F2RL1: variants seen among roughly 807,000 people sequenced by gnomAD.
F2RL1 encodes the protein F2R like trypsin receptor 1.
A neutral mutation model predicts 21.7 loss-of-function variants in F2RL1; 16 were observed. The observed-to-expected ratio is 0.74, with a 90% CI of 0.50 to 1.12. The LOEUF (loss-of-function observed/expected upper bound fraction) is 1.12, where lower values mean the gene tolerates loss of function less well. Ranked by LOEUF, F2RL1 falls within the 50% of genes most tolerant of loss-of-function variation. The pLI, the probability that F2RL1 is intolerant of heterozygous loss-of-function variation, is 0.00. For missense variants in F2RL1, 432 were observed against 477.8 expected (o/e 0.90, Z 0.89); for synonymous variants, 181 against 186.7 (o/e 0.97, Z 0.25).
At chr5:76,827,578 G>A (rs1325773501) in intron 1 of F2RL1, among the ~76,000 whole-genome samples, 1 of 150,292 alleles carries the variant, frequency 6.7e-6, no homozygotes, top group African/African-American at 2.4e-5. Context: ...CCTGGGAGTG[G>A]AGCTACTGGG....
At chr5:76,831,302 A>C (rs1443621764) in intron 1 of F2RL1, among the ~76,000 whole-genome samples, 1 of 151,998 alleles carries the variant, frequency 6.6e-6, no homozygotes, top group Middle Eastern at 3.2e-3. Flanking sequence ...GCCATTGTTG[A>C]GGCTATCGTT....
chr5:76,822,367 A>C (rs1214123274), intron 1 of F2RL1, among the ~76,000 whole-genome samples: 1 of 152,080 alleles, frequency 6.6e-6, no homozygotes, highest in Admixed American at 6.6e-5. Flanking sequence ...ACAGGCGCAC[A>C]CCACCACATC....
rs769434699 is a variant in F2RL1 at position 76,833,691 on chromosome 5, C to T, written c.1084C>T (p.Arg362Ter). 14 of 1,613,794 alleles carry T rather than the reference C, an allele frequency of 8.7e-6. No homozygotes were observed. Among genetic ancestry groups the T allele is most frequent in the East Asian group, 6.7e-5 (3 of 44,856 alleles). ...TCATGCAAAGAACGCTCTCCTTTGC[C>T]GAAGTGTCCGCACTGTAAAGCAGAT... is the stretch of plus-strand genomic sequence containing the variant. Reference protein sequence around the residue: ...RDHAKNALLCRSVRTVKQMQV... With the variant: ...RDHAKNALLC The change falls in exon 2 of 2, where the codon CGA (arginine) becomes TGA (stop). Residue 362 changes from arginine (R) to a stop codon, truncating the protein, a stop_gained. Coordinates refer to ENST00000296677, the MANE Select transcript of F2RL1 (RefSeq NM_005242.6). LOFTEE classifies it high-confidence loss of function.
chr5:76,829,157 G>A (rs996704226), intron 1 of F2RL1, among the ~76,000 whole-genome samples: 1 of 151,202 alleles, frequency 6.6e-6, no homozygotes, highest in Non-Finnish European at 1.5e-5. Flanking sequence ...TTTGAATCAG[G>A]ATTGAAACAA....
At chr5:76,820,592 A>C (rs923940183) in intron 1 of F2RL1, among the ~76,000 whole-genome samples, 5 of 152,200 alleles carry the variant, frequency 3.3e-5, no homozygotes, top group African/African-American at 4.8e-5. Context: ...TGTCCTTTAA[A>C]GTTGGAAACT....
At chr5:76,824,486 A>T (rs985878987) in intron 1 of F2RL1, among the ~76,000 whole-genome samples, 1 of 151,708 alleles carries the variant, frequency 6.6e-6, no homozygotes, top group African/African-American at 2.4e-5. Flanking sequence ...CCGCCACCAC[A>T]CCCAGCTAAT....
chr5:76,822,201 T>G (rs1750148378), intron 1 of F2RL1, among the ~76,000 whole-genome samples: 1 of 152,168 alleles, frequency 6.6e-6, no homozygotes, highest in Admixed American at 6.6e-5. Flanking sequence ...CCTTTGTTGA[T>G]AGACATGTGG....
At chr5:76,828,933 T>C (rs1750296649) in intron 1 of F2RL1, among the ~76,000 whole-genome samples, 1 of 152,082 alleles carries the variant, frequency 6.6e-6, no homozygotes, top group African/African-American at 2.4e-5. Flanking sequence ...TTGACCAACA[T>C]GGTGAAACCC....
intron 1 of F2RL1, 149 bp from the exon 2 acceptor site, chr5:76,832,541 C>T (rs999045922): frequency 1.3e-5 from 10 of 776,484 alleles, no homozygotes; most frequent in South Asian, 8.0e-5. Flanking sequence ...GCATTATGAT[C>T]GCTCCACTAC....
At chr5:76,827,219 C>T (rs952362719) in intron 1 of F2RL1, among the ~76,000 whole-genome samples, 4 of 150,700 alleles carry the variant, frequency 2.7e-5, no homozygotes, top group East Asian at 2.0e-4. Flanking sequence ...TGGTGGCTCA[C>T]GCCTGTAATC....
Position 76,832,888 on chromosome 5 carries a change from G to T in F2RL1, c.281G>T (p.Gly94Val). 1 of 1,614,168 alleles carries T rather than the reference G, an allele frequency of 6.2e-7. No individual in the cohort carries two copies. The highest frequency in any genetic ancestry group is 8.5e-7 in the Non-Finnish European group (1 of 1,180,038). The change falls in exon 2 of 2, where the codon GGC (glycine) becomes GTC (valine). Residue 94 changes from glycine to valine, a missense_variant. Gly to Val is a moderately radical substitution (Grantham distance 109). Coordinates refer to ENST00000296677, the MANE Select transcript of F2RL1 (RefSeq NM_005242.6). Reference sequence around the variant, plus strand: ...TTTGTGGTGGGTTTGCCAAGTAACGGCATGGCCCTGTGGGTCTTTCTTTTC... The same window carrying T: ...TTTGTGGTGGGTTTGCCAAGTAACGTCATGGCCCTGTGGGTCTTTCTTTTC... ...IVFVVGLPSN[G>V]MALWVFLFRT...
Position 76,822,250 on chromosome 5 carries a change from C to G in F2RL1, c.82+2986C>G, listed in dbSNP as rs147747793. Among the ~76,000 whole-genome samples, 299 of 152,076 alleles carry G rather than the reference C, an allele frequency of 2.0e-3. 2 individuals carry two copies. Among genetic ancestry groups the G allele is most frequent in the African/African-American group, 6.8e-3 (284 of 41,472 alleles). ...TTTTTCCCCCTGAGATAGAATCTCA[C>G]TCTGTTGCCCAGGCTGTAGTGCAGT... is the stretch of plus-strand genomic sequence containing the variant. On this transcript the variant is annotated intron_variant, in intron 1 of 1. Coordinates refer to ENST00000296677, the MANE Select transcript of F2RL1 (RefSeq NM_005242.6).
chr5:76,832,110 A>G (rs1274918938), intron 1 of F2RL1, among the ~76,000 whole-genome samples: 1 of 152,124 alleles, frequency 6.6e-6, no homozygotes, highest in Admixed American at 6.6e-5. Flanking sequence ...TCTTCTTTAT[A>G]TTCCTAGAAA....
At chr5:76,820,820 A>G (rs530784773) in intron 1 of F2RL1, among the ~76,000 whole-genome samples, 1 of 152,286 alleles carries the variant, frequency 6.6e-6, no homozygotes, top group South Asian at 2.1e-4. Context: ...TGTTAACTAT[A>G]GCCACTTAAT....
At chr5:76,827,543 A>G (rs553231769) in intron 1 of F2RL1, among the ~76,000 whole-genome samples, 3 of 150,428 alleles carry the variant, frequency 2.0e-5, no homozygotes, top group South Asian at 2.1e-4. Flanking sequence ...ATTTGTGTAC[A>G]GGTTTTTGTG....
chr5:76,833,031 A>G lies in F2RL1; in HGVS notation c.424A>G (p.Ile142Val), dbSNP rs1163271956. 6.2e-7 allele frequency: 1 copy of G among 1,613,898 alleles called. No homozygotes were observed. The highest frequency in any genetic ancestry group is 1.7e-5 in the Admixed American group (1 of 59,992). ...CTATCACATACATGGCAACAACTGG[A>G]TTTATGGGGAAGCTCTTTGTAATGT... is the stretch of plus-strand genomic sequence containing the variant. ...IAYHIHGNNWIYGEALCNVLI... is the reference protein window; with the variant it reads ...IAYHIHGNNWVYGEALCNVLI... The change falls in exon 2 of 2, where the codon ATT becomes GTT. Residue 142 changes from isoleucine to valine, a missense_variant. Coordinates refer to ENST00000296677, the MANE Select transcript of F2RL1 (RefSeq NM_005242.6).
intron 1 of F2RL1, among the ~76,000 whole-genome samples, chr5:76,824,155 CCA>C (rs200524385): frequency 0.025 from 2,968 of 118,102 alleles, 103 homozygotes; most frequent in African/African-American, 0.091. Context: ...GTCCTCCCCA[CCA>C]CACCCCCCCC....
rs879699290 is a variant in F2RL1, at chr5:76,830,955, G to A, written c.83-1735G>A. Among the ~76,000 whole-genome samples the A allele has an allele frequency of 5.3e-5, 8 of 152,100 alleles. No homozygotes were observed. In the East Asian group the frequency reaches 1.4e-3, roughly 26 times the overall value. ...TAGGTTTAATATCCCCCTGGTATACGGCAGTGCAAGTATTGCCCTGTCTTC... is the reference window on the plus strand; with the variant it reads ...TAGGTTTAATATCCCCCTGGTATACAGCAGTGCAAGTATTGCCCTGTCTTC... On this transcript the variant is annotated intron_variant, in intron 1 of 1. Coordinates refer to ENST00000296677, the MANE Select transcript of F2RL1 (RefSeq NM_005242.6).
chr5:76,824,696 G>T (rs1750207429), intron 1 of F2RL1, among the ~76,000 whole-genome samples: 1 of 152,134 alleles, frequency 6.6e-6, no homozygotes, highest in African/African-American at 2.4e-5. Context: ...ATGTTCCAGT[G>T]AATATTCTAG....
Sources: gnomAD v4.1 joint callset for allele counts (sites outside exome capture counted in the v4.1 genomes callset) on GRCh38, gnomAD v4.1.1 for gene constraint, MANE v1.5 for transcripts, NCBI Gene and HGNC (gene_info 2026-07-23, HGNC 2026-07-21) for gene names.